The following RBL1 variants were observed in gnomAD, a reference collection of about 807,000 sequenced individuals.
RBL1 encodes RB transcriptional corepressor like 1, also known as retinoblastoma-like protein 1.
A neutral mutation model predicts 123.0 loss-of-function variants in RBL1; 82 were observed. That is an observed-to-expected ratio of 0.67 (90% CI 0.56 to 0.80). The LOEUF (loss-of-function observed/expected upper bound fraction) is 0.80. Ranked by LOEUF, RBL1 falls within the 30% of genes least tolerant of loss-of-function variation. The probability of loss-of-function intolerance (pLI) is 0.00; values close to 1 mark genes in which losing one functional copy is unlikely to be tolerated. For missense variants in RBL1, 1,171 were observed against 1,299.6 expected, an observed-to-expected ratio of 0.90 and a Z score of 1.52; for synonymous variants, 405 against 441.3, an observed-to-expected ratio of 0.92 and a Z score of 1.03.
chr20:37,048,135 G>C (rs944086156), intron 11 of RBL1, among the ~76,000 whole-genome samples: 1 of 152,098 alleles, frequency 6.6e-6, no homozygotes, highest in Non-Finnish European at 1.5e-5. Context: ...TCAGCAGAAG[G>C]GACGATGATC....
chr20:37,055,026 C>T (rs1452548670), intron 11 of RBL1, among the ~76,000 whole-genome samples: 1 of 152,008 alleles, frequency 6.6e-6, no homozygotes, highest in Non-Finnish European at 1.5e-5. Context: ...TCAACCTGTT[C>T]CTATTGGGAT....
rs1325456551 is a variant in RBL1 at position 36,997,593 on chromosome 20, A to G, written c.*1166T>C. 6.6e-6 allele frequency: 1 copy of G among 152,214 alleles called. No individual in the cohort carries two copies. Among genetic ancestry groups the G allele is most frequent in the African/African-American group, 2.4e-5 (1 of 41,464 alleles). 9.4% of individuals were successfully genotyped at this position (152,214 alleles called of 1,614,324 possible). On this transcript the variant is annotated 3_prime_UTR_variant, in exon 22 of 22. Transcript: ENST00000373664. ...CTCAATTAGATATTGAGAATGACTG[A>G]TAACTATGATCTCAAAAACAGTATA... is the stretch of plus-strand genomic sequence containing the variant.
chr20:37,079,374 G>A (rs569491064), intron 2 of RBL1, among the ~76,000 whole-genome samples: 114 of 151,690 alleles, frequency 7.5e-4, no homozygotes, highest in Middle Eastern at 3.4e-3. Flanking sequence ...CATTAACTTA[G>A]TGATGTTATC....
chr20:37,003,440 G>T, intron 21 of RBL1: 1 of 529,070 alleles, frequency 1.9e-6, no homozygotes, highest in Non-Finnish European at 2.6e-6. Context: ...TGCCTTACTG[G>T]TCCCTTCTCA....
At chr20:37,002,569 G>A (rs867667898) in intron 21 of RBL1, among the ~76,000 whole-genome samples, 3 of 151,392 alleles carry the variant, frequency 2.0e-5, no homozygotes, top group Middle Eastern at 6.8e-3. Flanking sequence ...TTGAACTCCT[G>A]ATCTCGTGAT....
chr20:37,016,994 G>GGAGAGAAGACGAGACGAGAC (rs1224638210), intron 19 of RBL1, among the ~76,000 whole-genome samples: 1 of 151,332 alleles, frequency 6.6e-6, no homozygotes, highest in Non-Finnish European at 1.5e-5. Context: ...AGAGGGGAGA[G>GGAGAGAAGACGAGACGAGAC]GAGAGAAGAC....
intron 7 of RBL1, among the ~76,000 whole-genome samples, chr20:37,064,931 CT>C (rs377383954): frequency 0.012 from 1,539 of 133,514 alleles, 7 homozygotes; most frequent in East Asian, 0.024. Flanking sequence ...CGGCCTCTTT[CT>C]TTTTTTTTTT....
At chr20:37,085,823 G>C (rs2065536292) in intron 2 of RBL1, among the ~76,000 whole-genome samples, 1 of 151,594 alleles carries the variant, frequency 6.6e-6, no homozygotes, top group African/African-American at 2.4e-5. Flanking sequence ...TTTTGTTTTT[G>C]TATTTTTAGT....
Position 37,067,241 on chromosome 20 carries a change from T to C in RBL1, c.548A>G (p.Tyr183Cys). The C allele has an allele frequency of 6.2e-7, 1 of 1,605,152 alleles. No individual in the cohort carries two copies. The highest frequency in any genetic ancestry group is 1.1e-5 in the South Asian group (1 of 88,438). The change falls in exon 4 of 22, where the codon TAT (tyrosine) becomes TGT (cysteine). Residue 183 changes from tyrosine (Y) to cysteine (C), a missense_variant. Physicochemically the swap from Tyr to Cys is radical, Grantham distance 194. Transcript: ENST00000373664. ...LFNFCWTLFV[Y>C]TKGNFRMIGD... The stretch of plus-strand genomic sequence containing the variant: ...TGAAAGTGTCATCTTACCCTTAGTA[T>C]AAACAAAAAGTGTCCAACAGAAATT...
chr20:37,003,889 T>C (rs2064027004), intron 20 of RBL1, 23 bp from the exon 21 acceptor site: 2 of 1,566,402 alleles, frequency 1.3e-6, no homozygotes, highest in African/African-American at 1.4e-5. Context: ...AAAAGTCAGA[T>C]TTTTTAGATA....
At chr20:37,031,486 T>G (rs1358919714) in intron 16 of RBL1, among the ~76,000 whole-genome samples, 1 of 152,132 alleles carries the variant, frequency 6.6e-6, no homozygotes, top group African/African-American at 2.4e-5. Context: ...AAATTGAAAC[T>G]ATAGTAAGAT....
intron 16 of RBL1, among the ~76,000 whole-genome samples, chr20:37,025,386 A>T (rs959416003): frequency 6.6e-6 from 1 of 152,046 alleles, no homozygotes; most frequent in Non-Finnish European, 1.5e-5. Context: ...TGGGTGTGGT[A>T]GCCTGTGCCT....
chr20:37,075,720 T>A (rs1469315925), intron 2 of RBL1, among the ~76,000 whole-genome samples: 1 of 152,128 alleles, frequency 6.6e-6, no homozygotes, highest in Non-Finnish European at 1.5e-5. Context: ...CCTCCCAAAG[T>A]GCTGGGATTA....
In RBL1 at chr20:36,997,259, T is replaced by C. The variant is rs1035409643; in HGVS notation, c.*1500A>G. 8 of 152,026 alleles carry C rather than the reference T, an allele frequency of 5.3e-5. No individual in the cohort carries two copies. The highest frequency in any genetic ancestry group is 4.4e-5 in the Non-Finnish European group (3 of 68,072). 9.4% of individuals were successfully genotyped at this position (152,026 alleles called of 1,614,324 possible). On this transcript the variant is annotated 3_prime_UTR_variant, in exon 22 of 22. Coordinates refer to ENST00000373664, the MANE Select transcript of RBL1 (RefSeq NM_002895.5). ...AAAGCATCCCTAGTACTGAAAAGCA[T>C]CCCTAACACTGAAAAAAGCATCCCT...
chr20:37,074,212 G>C (rs542284180), intron 2 of RBL1, among the ~76,000 whole-genome samples: 1 of 151,864 alleles, frequency 6.6e-6, no homozygotes, highest in Non-Finnish European at 1.5e-5. Flanking sequence ...CCAGGAGTTC[G>C]AGACCAGCCT....
intron 2 of RBL1, 100 bp from the exon 3 acceptor site, chr20:37,068,286 A>C (rs1374050037): frequency 1.9e-5 from 27 of 1,435,596 alleles, no homozygotes; most frequent in Non-Finnish European, 2.4e-5. Context: ...CTTTATTAAA[A>C]AGCCAGATTT....
intron 19 of RBL1, among the ~76,000 whole-genome samples, chr20:37,016,462 G>A (rs766308750): frequency 6.6e-6 from 1 of 152,164 alleles, no homozygotes; most frequent in African/African-American, 2.4e-5. Context: ...GATCTTTTTG[G>A]TGAATGAAAT....
chr20:37,090,486 C>A (rs6093920), intron 1 of RBL1, among the ~76,000 whole-genome samples: 4,291 of 152,078 alleles, frequency 0.028, 140 homozygotes, highest in African/African-American at 0.08. Context: ...CAGGGAAAGG[C>A]AAGAACAGAG....
At chr20:37,010,482 A>G (rs1484446205) in intron 19 of RBL1, among the ~76,000 whole-genome samples, 1 of 152,178 alleles carries the variant, frequency 6.6e-6, no homozygotes, top group East Asian at 1.9e-4. Context: ...TTTTGTCATG[A>G]GAATACTATA....
Sources: allele counts gnomAD v4.1 joint callset (sites outside exome capture counted in the v4.1 genomes callset), GRCh38; gene constraint gnomAD v4.1.1; transcripts MANE v1.5; gene names NCBI Gene and HGNC (gene_info 2026-07-23, HGNC 2026-07-21).